FAM83F: variants seen among roughly 807,000 people sequenced by gnomAD.
The protein encoded by FAM83F is scaffolding CK1 anchoring protein F.
A neutral mutation model predicts 42.9 loss-of-function variants in FAM83F; 45 were observed. The ratio of observed to expected loss-of-function variants is 1.05; its 90% CI spans 0.83 to 1.35. FAM83F has a LOEUF of 1.35. Among genes scored for constraint, FAM83F ranks in the 40% most tolerant of loss-of-function variants. FAM83F has a pLI of 0.00. For missense variants in FAM83F, 617 were observed against 695.9 expected, an observed-to-expected ratio of 0.89 and a Z score of 1.28; for synonymous variants, 306 against 298.3, an observed-to-expected ratio of 1.03 and a Z score of -0.27.
chr22:40,020,773 C>T (rs1348506050), intron 3 of FAM83F, among the ~76,000 whole-genome samples: 1 of 152,108 alleles, frequency 6.6e-6, no homozygotes, highest in East Asian at 1.9e-4. Flanking sequence ...GCACATGAAA[C>T]AGTGAATAGC....
In FAM83F at chr22:40,021,267, C is replaced by T; in HGVS notation, c.780-23C>T. The T allele has an allele frequency of 6.6e-7, 1 of 1,524,464 alleles. No individual in the cohort carries two copies. Among genetic ancestry groups the T allele is most frequent in the South Asian group, 1.3e-5 (1 of 78,708 alleles). 94.4% of individuals were successfully genotyped at this position (1,524,464 alleles called of 1,614,324 possible). A position where few individuals can be genotyped will look rare whatever the true frequency, so the allele number is the denominator to read the frequency against. Reference sequence around the variant, plus strand: ...GAGAGGCCTGGGCACATGTGTCTTGCTTTTCTGTCCCCACGTTCCCAGGTT... The same window carrying T: ...GAGAGGCCTGGGCACATGTGTCTTGTTTTTCTGTCCCCACGTTCCCAGGTT... On this transcript the variant is annotated intron_variant, in intron 3 of 4. Coordinates refer to ENST00000333407, the MANE Select transcript of FAM83F (RefSeq NM_138435.4). This position sits in a 1 kb window ranked among gnomAD's most constrained non-coding sequence, Gnocchi z 8.7.
At chr22:40,007,664 T>C (rs1269702899) in intron 1 of FAM83F, among the ~76,000 whole-genome samples, 1 of 120,440 alleles carries the variant, frequency 8.3e-6, no homozygotes, top group Non-Finnish European at 1.8e-5. Context: ...TCGTTTCCTC[T>C]CCTCTCCTCC....
In FAM83F at chr22:40,032,578, T is replaced by C. The variant is rs2146248815; in HGVS notation, c.*3013T>C. The C allele has an allele frequency of 1.3e-5, 2 of 151,922 alleles. No individual in the cohort carries two copies. Among genetic ancestry groups the C allele is most frequent in the Admixed American group, 1.3e-4 (2 of 15,266 alleles). The allele number at this position is 151,922 out of a possible 1,614,324, so 9.4% of individuals were successfully genotyped here. On this transcript the variant is annotated 3_prime_UTR_variant, in exon 5 of 5. Coordinates refer to ENST00000333407, the MANE Select transcript of FAM83F (RefSeq NM_138435.4). The stretch of plus-strand genomic sequence containing the variant: ...GCTATTTCTTTTTTTTTTTTCTTTT[T>C]TTTTTCTGAGACAGAGTCTCACCCT...
At chr22:40,001,780 A>G (rs1475431218) in intron 1 of FAM83F, among the ~76,000 whole-genome samples, 1 of 152,246 alleles carries the variant, frequency 6.6e-6, no homozygotes, top group African/African-American at 2.4e-5. Flanking sequence ...AACTGCTGTC[A>G]TCTCTGCCTT....
chr22:40,027,257 G>A (rs1300670731), intron 4 of FAM83F, among the ~76,000 whole-genome samples: 2 of 152,140 alleles, frequency 1.3e-5, no homozygotes, highest in Admixed American at 6.5e-5. Context: ...CAGGGAATGC[G>A]AAGCCCTGGA....
intron 1 of FAM83F, among the ~76,000 whole-genome samples, chr22:40,013,841 G>T (rs1434210533): frequency 6.6e-6 from 1 of 151,868 alleles, no homozygotes; most frequent in Non-Finnish European, 1.5e-5. Flanking sequence ...CTTCCTGAAG[G>T]TATTTATTTC....
intron 1 of FAM83F, among the ~76,000 whole-genome samples, chr22:39,996,633 G>C (rs183449714): frequency 2.0e-5 from 3 of 152,152 alleles, no homozygotes; most frequent in African/African-American, 7.2e-5. Flanking sequence ...TGGAGTCCTG[G>C]TTCCCCTCGA....
chr22:39,995,029 G>A lies in FAM83F; in HGVS notation c.-14G>A, dbSNP rs1400111007. On this transcript the variant is annotated 5_prime_UTR_variant, in exon 1 of 5. Coordinates refer to ENST00000333407, the MANE Select transcript of FAM83F (RefSeq NM_138435.4). This position sits in a 1 kb window ranked among gnomAD's most constrained non-coding sequence, Gnocchi z 4.6. ...CGGGGCCGGGGCCAGGGCCGGGGCC[G>A]GGGCCGGGGCGCCATGGCCGAGTCC... is the stretch of plus-strand genomic sequence containing the variant. 39 of 1,241,936 alleles carry A rather than the reference G, an allele frequency of 3.1e-5. No homozygotes were observed. The Middle Eastern group carries it at 8.7e-4, about 28-fold the overall frequency. The allele number at this position is 1,241,936 out of a possible 1,614,324, so 76.9% of individuals were successfully genotyped here. A position where few individuals can be genotyped will look rare whatever the true frequency, so the allele number is the denominator to read the frequency against.
rs550560039 is a variant in FAM83F, at chr22:40,003,289, G to C, written c.489+7758G>C. ...TTTATGGCCACTTTCTGGCCCCCTG[G>C]GACTTACGCCCCTCCCTGACAGGCT... On this transcript the variant is annotated intron_variant, in intron 1 of 4. Transcript: ENST00000333407. Among the ~76,000 whole-genome samples the C allele has an allele frequency of 3.1e-4, 47 of 152,220 alleles. No homozygotes were observed. In the South Asian group the frequency reaches 9.6e-3, roughly 31 times the overall value.
At position 39,995,014 on chromosome 22, in the gene FAM83F, G is replaced by A. The variant is rs1601758958; in HGVS notation, c.-29G>A. The A allele has an allele frequency of 3.2e-6, 4 of 1,250,708 alleles. No individual in the cohort carries two copies. The East Asian group carries it at 9.6e-5, about 30-fold the overall frequency. 77.5% of individuals were successfully genotyped at this position (1,250,708 alleles called of 1,614,324 possible). ...GACCTCGGACCGCGGCGGGGCCGGG[G>A]CCAGGGCCGGGGCCGGGGCCGGGGC... On this transcript the variant is annotated 5_prime_UTR_variant, in exon 1 of 5. Coordinates refer to ENST00000333407, the MANE Select transcript of FAM83F (RefSeq NM_138435.4). The surrounding 1 kb of genome is among the most constrained non-coding windows in gnomAD (Gnocchi z 4.6).
At position 40,033,087 on chromosome 22, in the gene FAM83F, G is replaced by C. The variant is rs1398947229; in HGVS notation, c.*3522G>C. 1 of 149,550 alleles carries C rather than the reference G, an allele frequency of 6.7e-6. No homozygotes were observed. Among genetic ancestry groups the C allele is most frequent in the Non-Finnish European group, 1.5e-5 (1 of 66,788 alleles). The allele number at this position is 149,550 out of a possible 1,614,324, so 9.3% of individuals were successfully genotyped here. On this transcript the variant is annotated 3_prime_UTR_variant, in exon 5 of 5. Transcript: ENST00000333407. Reference sequence around the variant, plus strand: ...TGTATGATGAGAAGCGCAAGTAATTGTTTTGTTTTTTTTTTGAGACAATGT... The same window carrying C: ...TGTATGATGAGAAGCGCAAGTAATTCTTTTGTTTTTTTTTTGAGACAATGT...
chr22:40,019,080 C>T lies in FAM83F; in HGVS notation c.490-88C>T, dbSNP rs1601769573. The T allele has an allele frequency of 6.6e-6, 10 of 1,511,420 alleles. No homozygotes were observed. In the East Asian group the frequency reaches 1.8e-4, roughly 28 times the overall value. The allele number at this position is 1,511,420 out of a possible 1,614,324, so 93.6% of individuals were successfully genotyped here. ...TTTTTGACTCTTGGCCACCAGTGACCCCAGGGCGAGGTGGTACCATCTGAG... is the reference window on the plus strand; with the variant it reads ...TTTTTGACTCTTGGCCACCAGTGACTCCAGGGCGAGGTGGTACCATCTGAG... On this transcript the variant is annotated intron_variant, in intron 1 of 4. Coordinates refer to ENST00000333407, the MANE Select transcript of FAM83F (RefSeq NM_138435.4).
At chr22:40,013,431 G>T (rs1215170000) in intron 1 of FAM83F, among the ~76,000 whole-genome samples, 1 of 152,122 alleles carries the variant, frequency 6.6e-6, no homozygotes, top group Non-Finnish European at 1.5e-5. Flanking sequence ...ATGTGTGTGG[G>T]TATACATGTA....
intron 1 of FAM83F, chr22:39,999,145 C>T (rs1353534747): frequency 6.6e-6 from 1 of 152,224 alleles, no homozygotes; most frequent in Non-Finnish European, 1.5e-5. Context: ...GCTGATCCAT[C>T]ATCTAATACA....
Position 40,032,976 on chromosome 22 carries a change from G to C in FAM83F, c.*3411G>C, listed in dbSNP as rs1391938623. On this transcript the variant is annotated 3_prime_UTR_variant, in exon 5 of 5. Transcript: ENST00000333407. ...ATGCTAGATGCTTTAGTAACATGAA[G>C]GTTTCAAACTAAGAAAAGCTCAACA... 6.6e-6 allele frequency: 1 copy of C among 152,178 alleles called. No individual in the cohort carries two copies. The highest frequency in any genetic ancestry group is 1.5e-5 in the Non-Finnish European group (1 of 68,042). 9.4% of individuals were successfully genotyped at this position (152,178 alleles called of 1,614,324 possible).
intron 4 of FAM83F, among the ~76,000 whole-genome samples, chr22:40,028,964 C>T (rs2145724329): frequency 6.6e-6 from 1 of 152,284 alleles, no homozygotes; most frequent in South Asian, 2.1e-4. Flanking sequence ...GCTGTGGGCA[C>T]CTCAGCGGTA....
Position 40,021,526 on chromosome 22 carries a change from AGAT to A in FAM83F, c.1021_1023del (p.Met341del). 6.4e-7 allele frequency: 1 copy of A among 1,571,738 alleles called. No homozygotes were observed. Among genetic ancestry groups the A allele is most frequent in the Non-Finnish European group, 8.7e-7 (1 of 1,153,544 alleles). On this transcript the variant is annotated inframe_deletion, in exon 4 of 5. Coordinates refer to ENST00000333407, the MANE Select transcript of FAM83F (RefSeq NM_138435.4). The surrounding 1 kb of genome is among the most constrained non-coding windows in gnomAD (Gnocchi z 8.7). ...TCAGGCTGCCGCCACCCGCCTGGGG[AGAT>A]GATGCGCTGGGCTGCCCGGCAACAG...
At chr22:39,999,534 A>C (rs1304466056) in intron 1 of FAM83F, among the ~76,000 whole-genome samples, 1 of 152,120 alleles carries the variant, frequency 6.6e-6, no homozygotes, top group Non-Finnish European at 1.5e-5. Flanking sequence ...TCCGCACCTC[A>C]ATAGCTGCGT....
intron 1 of FAM83F, among the ~76,000 whole-genome samples, chr22:40,014,131 C>CTTTTTTTTTTTTTTTTTTTT (rs57224519): frequency 8.6e-5 from 10 of 116,812 alleles, no homozygotes; most frequent in African/African-American, 1.0e-4. Flanking sequence ...TATTTCTTTT[C>CTTTTTTTTTTTTTTTTTTTT]TTTTTTTTTT....
Sources: allele counts gnomAD v4.1 joint callset (sites outside exome capture counted in the v4.1 genomes callset), GRCh38; gene constraint gnomAD v4.1.1; non-coding constraint Gnocchi (gnomAD v3.1); transcripts MANE v1.5; gene names NCBI Gene and HGNC (gene_info 2026-07-23, HGNC 2026-07-21).